The following BPTF variants were observed in gnomAD, a reference collection of about 807,000 sequenced individuals.
The protein encoded by BPTF is nucleosome-remodeling factor subunit BPTF.
BPTF carries 18 observed loss-of-function variants against 292.5 expected under a neutral mutation model. The ratio of observed to expected loss-of-function variants is 0.06; its 90% CI spans 0.04 to 0.09. The LOEUF (loss-of-function observed/expected upper bound fraction) is 0.09. Among genes scored for constraint, BPTF ranks in the 10% least tolerant of loss-of-function variants. The probability of loss-of-function intolerance (pLI) is 1.00; values close to 1 mark genes in which losing one functional copy is unlikely to be tolerated. For missense variants in BPTF, 2,726 were observed against 3,498.7 expected, an observed-to-expected ratio of 0.78 and a Z score of 5.57; for synonymous variants, 1,225 against 1,251.9, an observed-to-expected ratio of 0.98 and a Z score of 0.45.
At chr17:67,860,328 A>G (rs1243631957) in intron 2 of BPTF, among the ~76,000 whole-genome samples, 2 of 152,188 alleles carry the variant, frequency 1.3e-5, no homozygotes, top group Non-Finnish European at 2.9e-5. Context: ...TCCTCATGAT[A>G]GTTTTAAAGC....
At chr17:67,916,210 AC>A (rs2147054299) in intron 11 of BPTF, among the ~76,000 whole-genome samples, 2 of 152,360 alleles carry the variant, frequency 1.3e-5, no homozygotes, top group East Asian at 3.9e-4. Context: ...TAATGGTGTC[AC>A]AAGTGGATAT....
chr17:67,931,457 A>G (rs72845285), intron 17 of BPTF, among the ~76,000 whole-genome samples: 5,318 of 152,320 alleles, frequency 0.035, 144 homozygotes, highest in Non-Finnish European at 0.054. Context: ...CTTGGGCAAC[A>G]GAGTGAGACC....
At chr17:67,826,991 T>G (rs1285971850) in intron 1 of BPTF, among the ~76,000 whole-genome samples, 1 of 152,226 alleles carries the variant, frequency 6.6e-6, no homozygotes, top group African/African-American at 2.4e-5. Flanking sequence ...ACAGTTGCTG[T>G]TAAATGGCTG....
chr17:67,907,923 C>T (rs2062347900), intron 9 of BPTF, among the ~76,000 whole-genome samples: 1 of 152,100 alleles, frequency 6.6e-6, no homozygotes, highest in South Asian at 2.1e-4. Flanking sequence ...CCACAGATTG[C>T]CTTTGATCCT....
intron 9 of BPTF, among the ~76,000 whole-genome samples, chr17:67,906,965 G>T (rs373292551): frequency 6.6e-6 from 1 of 152,080 alleles, no homozygotes; most frequent in African/African-American, 2.4e-5. Context: ...GGGAGGATCA[G>T]TTGAGCCCAG....
At position 67,912,118 on chromosome 17, in the gene BPTF, A is replaced by G. The variant is rs1224137721; in HGVS notation, c.4234A>G (p.Asn1412Asp). The stretch of plus-strand genomic sequence containing the variant: ...TACATTTCAAATAAATGGAAAAGAT[A>G]ATAAACCCAAAATATATTTGAAAGG... ...TSTFQINGKD[N>D]KPKIYLKGEC... Residue 1412 changes from asparagine to aspartate, a missense_variant, in exon 11 of 28, where the codon AAT becomes GAT. Physicochemically the swap from Asn to Asp is conservative, Grantham distance 23 (BLOSUM62 1). This residue lies in a region of BPTF where 713 missense variants were observed against 714.9 expected (regional missense o/e 1.00). Coordinates refer to ENST00000306378, the MANE Select transcript of BPTF (RefSeq NM_182641.4). 1.2e-6 allele frequency: 2 copies of G among 1,609,660 alleles called. No individual in the cohort carries two copies. The highest frequency in any genetic ancestry group is 4.5e-5 in the East Asian group (2 of 44,864).
intron 13 of BPTF, among the ~76,000 whole-genome samples, chr17:67,922,613 C>T (rs1445716604): frequency 6.6e-6 from 1 of 152,112 alleles, no homozygotes; most frequent in Admixed American, 6.6e-5. Context: ...GAGCCTTGGC[C>T]TACCCTGCTT....
At chr17:67,876,062 T>C (rs1425587920) in intron 4 of BPTF, among the ~76,000 whole-genome samples, 1 of 152,212 alleles carries the variant, frequency 6.6e-6, no homozygotes, top group Non-Finnish European at 1.5e-5. Context: ...TACTAATGGC[T>C]CAATGTTGAA....
intron 27 of BPTF, among the ~76,000 whole-genome samples, chr17:67,977,046 T>C (rs2069572797): frequency 6.6e-6 from 1 of 152,192 alleles, no homozygotes; most frequent in Admixed American, 6.5e-5. Flanking sequence ...GTGTCAGATT[T>C]TTCTGCTGTG....
intron 26 of BPTF, among the ~76,000 whole-genome samples, chr17:67,968,662 C>T (rs1254983126): frequency 6.6e-6 from 1 of 150,948 alleles, no homozygotes; most frequent in Non-Finnish European, 1.5e-5. Flanking sequence ...GTGGCGGGCA[C>T]CTGTAGTCCC....
chr17:67,979,228 A>G (rs1167478782), intron 27 of BPTF, among the ~76,000 whole-genome samples: 2 of 150,734 alleles, frequency 1.3e-5, no homozygotes, highest in Non-Finnish European at 2.9e-5. Flanking sequence ...ACAGAGAAAA[A>G]TATTTACATT....
rs2070673220 is a variant in BPTF, at chr17:67,984,161, G to A, written c.*1873G>A. On this transcript the variant is annotated 3_prime_UTR_variant, in exon 28 of 28. Coordinates refer to ENST00000306378, the MANE Select transcript of BPTF (RefSeq NM_182641.4). ...TTTTAATGAGTTATAAAATTATTCT[G>A]CATCTCATCACGTCACAGTATTTCT... is the stretch of plus-strand genomic sequence containing the variant. The A allele has an allele frequency of 6.6e-6, 1 of 152,546 alleles. No homozygotes were observed. The highest frequency in any genetic ancestry group is 1.5e-5 in the Non-Finnish European group (1 of 67,994). The allele number at this position is 152,546 out of a possible 1,614,324, so 9.4% of individuals were successfully genotyped here. A position where few individuals can be genotyped will look rare whatever the true frequency, so the allele number is the denominator to read the frequency against.
intron 23 of BPTF, among the ~76,000 whole-genome samples, chr17:67,953,096 G>A (rs138066789): frequency 1.5e-3 from 222 of 151,944 alleles, no homozygotes; most frequent in African/African-American, 5.2e-3. Flanking sequence ...CGAGTAGCTG[G>A]GACTACAGGC....
Position 67,912,646 on chromosome 17 carries a change from G to A in BPTF, c.4762G>A (p.Val1588Ile), listed in dbSNP as rs2062728596. 6.2e-7 allele frequency: 1 copy of A among 1,614,044 alleles called. No individual in the cohort carries two copies. Among genetic ancestry groups the A allele is most frequent in the South Asian group, 1.1e-5 (1 of 91,074 alleles). Residue 1588 changes from valine to isoleucine, a missense_variant, in exon 11 of 28, where the codon GTC (valine) becomes ATC (isoleucine). Val to Ile is a conservative substitution (Grantham distance 29, BLOSUM62 3). Transcript: ENST00000306378. Reference protein sequence around the residue: ...ESKRKTVITEVTTMTSTVATE... With the variant: ...ESKRKTVITEITTMTSTVATE... The stretch of plus-strand genomic sequence containing the variant: ...TAAAAGAAAAACCGTCATCACAGAA[G>A]TCACCACGATGACCTCCACAGTGGC...
intron 25 of BPTF, chr17:67,965,934 A>C (rs1853644388): frequency 6.6e-6 from 1 of 152,308 alleles, no homozygotes; most frequent in Admixed American, 6.5e-5. Context: ...GTTGGCACGC[A>C]CTTGTAATCC....
intron 1 of BPTF, among the ~76,000 whole-genome samples, chr17:67,842,700 G>A (rs2057652565): frequency 6.6e-6 from 1 of 151,234 alleles, no homozygotes; most frequent in Admixed American, 6.6e-5. Flanking sequence ...GATAGAGACT[G>A]TCCCCAACTT....
At chr17:67,891,758 C>A in intron 4 of BPTF, 86 bp from the exon 5 acceptor site, 1 of 1,003,536 alleles carries the variant, frequency 1.0e-6, no homozygotes, top group Non-Finnish European at 1.4e-6. Context: ...CTTACACATA[C>A]ACCAGATACG....
At position 67,903,898 on chromosome 17, in the gene BPTF, A is replaced by G. The variant is rs745803582; in HGVS notation, c.2653A>G (p.Thr885Ala). Residue 885 changes from threonine to alanine, a missense_variant, in exon 8 of 28, where the codon ACA (threonine) becomes GCA (alanine). Coordinates refer to ENST00000306378, the MANE Select transcript of BPTF (RefSeq NM_182641.4). ...GCAGCAAGCGACATGGGTAAAATAC[A>G]CATTTCCAGTTAAGCATCAGGTAAT... ...TMQQATWVKYTFPVKHQVWKQ... is the reference protein window; with the variant it reads ...TMQQATWVKYAFPVKHQVWKQ... 5 of 1,586,198 alleles carry G rather than the reference A, an allele frequency of 3.2e-6. No homozygotes were observed. In the South Asian group the frequency reaches 3.6e-5, roughly 11 times the overall value.
chr17:67,925,350 T>C (rs1453556072), intron 15 of BPTF, among the ~76,000 whole-genome samples: 2 of 152,122 alleles, frequency 1.3e-5, no homozygotes, highest in Non-Finnish European at 1.5e-5. Flanking sequence ...TGATGGTTTC[T>C]TAGTGTTTTC....
Sources: gnomAD v4.1 joint callset for allele counts (sites outside exome capture counted in the v4.1 genomes callset) on GRCh38, gnomAD v4.1.1 for gene constraint, gnomAD v4.1.1 regional missense constraint, MANE v1.5 for transcripts, NCBI Gene and HGNC (gene_info 2026-07-23, HGNC 2026-07-21) for gene names.